The following ZNF107 variants were observed in gnomAD, a reference collection of about 807,000 sequenced individuals.
ZNF107 encodes the protein C2H2 type zinc-finger protein.
Under a neutral mutation model 12.3 loss-of-function variants are expected in ZNF107, and 19 were observed. The ratio of observed to expected loss-of-function variants is 1.55; its 90% confidence interval spans 1.08 to 2.27. The LOEUF (loss-of-function observed/expected upper bound fraction) is 2.27. Ranked by LOEUF, ZNF107 falls within the 30% of genes most tolerant of loss-of-function variation. The pLI, the probability that ZNF107 is intolerant of heterozygous loss-of-function variation, is 0.00. For missense variants in ZNF107, 958 were observed against 979.9 expected (o/e 0.98, Z 0.30); for synonymous variants, 317 against 330.5 (o/e 0.96, Z 0.44).
At chr7:64,697,347 T>A (rs1790327062) in intron 3 of ZNF107, among the ~76,000 whole-genome samples, 1 of 152,196 alleles carries the variant, frequency 6.6e-6, no homozygotes, top group African/African-American at 2.4e-5. Flanking sequence ...ATGGGATGGC[T>A]GGGTCAAATG....
rs1374511581 is a variant in ZNF107 at position 64,706,773 on chromosome 7, G to A, written c.676G>A (p.Glu226Lys). ...LTKHKRIHTG[E>K]KPYKCEECGK... ...TAAACATAAGAGAATTCATACTGGA[G>A]AAAAGCCCTACAAATGTGAAGAATG... Residue 226 changes from glutamate to lysine, a missense_variant, in exon 4 of 4, where the codon GAA becomes AAA. By Grantham distance (56) the Glu-to-Lys change is moderately conservative. Coordinates refer to ENST00000620827, the MANE Select transcript of ZNF107 (RefSeq NM_001282359.2). 1 of 1,613,368 alleles carries A rather than the reference G, an allele frequency of 6.2e-7. No homozygotes were observed. The highest frequency in any genetic ancestry group is 2.2e-5 in the East Asian group (1 of 44,866).
chr7:64,683,204 C>T (rs1584472751), intron 1 of ZNF107, among the ~76,000 whole-genome samples: 1 of 152,164 alleles, frequency 6.6e-6, no homozygotes, highest in East Asian at 1.9e-4. Flanking sequence ...GTATGCTTTC[C>T]ACATCCTTCA....
At chr7:64,693,421 T>C (rs539863998) in intron 3 of ZNF107, among the ~76,000 whole-genome samples, 1 of 151,996 alleles carries the variant, frequency 6.6e-6, no homozygotes, top group African/African-American at 2.4e-5. Flanking sequence ...GTCTGTGAAT[T>C]TGAAAGAGCA....
At chr7:64,696,677 T>C (rs996424537) in intron 3 of ZNF107, among the ~76,000 whole-genome samples, 1 of 152,192 alleles carries the variant, frequency 6.6e-6, no homozygotes, top group African/African-American at 2.4e-5. Flanking sequence ...CCTTCCACTT[T>C]TGGTTTTTAT....
chr7:64,708,571 C>T lies in ZNF107; in HGVS notation c.2474C>T (p.Ala825Val). 1 of 1,612,360 alleles carries T rather than the reference C, an allele frequency of 6.2e-7. No individual in the cohort carries two copies. The highest frequency in any genetic ancestry group is 8.5e-7 in the Non-Finnish European group (1 of 1,179,162). Residue 825 changes from alanine (A) to valine (V), a missense_variant, in exon 4 of 4, where the codon GCT (alanine) becomes GTT (valine). Transcript: ENST00000620827. ...KPYKCGDYGR[A>V]FNLSSNLTTH... is the part of the protein sequence containing the mutation. ...TACAAATGTGGAGATTATGGCAGAGCTTTCAACCTATCCTCAAATCTTACT... is the reference window on the plus strand; with the variant it reads ...TACAAATGTGGAGATTATGGCAGAGTTTTCAACCTATCCTCAAATCTTACT...
In ZNF107 at chr7:64,706,942, A is replaced by G. The variant is rs143783501; in HGVS notation, c.845A>G (p.Glu282Gly). 4.0e-5 allele frequency: 65 copies of G among 1,612,922 alleles called. No individual in the cohort carries two copies. In the African/African-American group the frequency reaches 8.4e-4, roughly 21 times the overall value. The change falls in exon 4 of 4, where the codon GAA becomes GGA. Residue 282 changes from glutamate (E) to glycine (G), a missense_variant. Transcript: ENST00000620827. ...ATACATAAAATAATTCATACTGGAG[A>G]AAAACCTTACAAATATGAAGAATGT... Reference protein sequence around the residue: ...LTIHKIIHTGEKPYKYEECGK... With the variant: ...LTIHKIIHTGGKPYKYEECGK...
intron 1 of ZNF107, chr7:64,684,800 T>A (rs1254063613): frequency 1.1e-6 from 1 of 886,648 alleles, no homozygotes; most frequent in African/African-American, 1.8e-5. Flanking sequence ...CTACTCACTC[T>A]TTATCTATCC....
chr7:64,702,697 A>G (rs543484755), intron 3 of ZNF107, among the ~76,000 whole-genome samples: 11 of 152,018 alleles, frequency 7.2e-5, no homozygotes, highest in Non-Finnish European at 1.6e-4. Context: ...AGCTGGGATT[A>G]CAGACATGTG....
In ZNF107 at chr7:64,669,048, C is replaced by T. The variant is rs377672592; in HGVS notation, c.3+2763C>T. 14 of 111,720 alleles carry T rather than the reference C, an allele frequency of 1.3e-4. No homozygotes were observed. In the East Asian group the frequency reaches 3.2e-3, roughly 26 times the overall value. The allele number at this position is 111,720 out of a possible 1,614,324, so 6.9% of individuals were successfully genotyped here. A position where few individuals can be genotyped will look rare whatever the true frequency, so the allele number is the denominator to read the frequency against. On this transcript the variant is annotated intron_variant, in intron 1 of 3. Coordinates refer to ENST00000620827, the MANE Select transcript of ZNF107 (RefSeq NM_001282359.2). Reference sequence around the variant, plus strand: ...TTTTTTTTTTTGAGATGGAGTCTCGCTCTGTTGCTCAGGCTGAAGGGCAGT... The same window carrying T: ...TTTTTTTTTTTGAGATGGAGTCTCGTTCTGTTGCTCAGGCTGAAGGGCAGT...
intron 1 of ZNF107, among the ~76,000 whole-genome samples, chr7:64,680,995 C>T (rs969282695): frequency 1.3e-5 from 2 of 152,164 alleles, no homozygotes; most frequent in Non-Finnish European, 2.9e-5. Flanking sequence ...GGAATGCCTG[C>T]AGCCTGGGGT....
chr7:64,696,052 GATTCCCTCTCTACA>G (rs1790275292), intron 3 of ZNF107, among the ~76,000 whole-genome samples: 1 of 151,804 alleles, frequency 6.6e-6, no homozygotes, highest in African/African-American at 2.4e-5. Context: ...AACATATGGA[GATTCCCTCTCTACA>G]ATTTTTTTTT....
At chr7:64,667,423 T>C (rs1789044677) in intron 1 of ZNF107, among the ~76,000 whole-genome samples, 1 of 151,978 alleles carries the variant, frequency 6.6e-6, no homozygotes, top group Admixed American at 6.6e-5. Context: ...GACACTGTAT[T>C]GTAAAAAAAA....
intron 1 of ZNF107, among the ~76,000 whole-genome samples, chr7:64,674,491 G>C (rs1789348294): frequency 6.6e-6 from 1 of 152,138 alleles, no homozygotes; most frequent in Non-Finnish European, 1.5e-5. Flanking sequence ...TTATTTTTCA[G>C]TTTAAAGAGC....
intron 1 of ZNF107, among the ~76,000 whole-genome samples, chr7:64,679,688 C>G (rs1789575550): frequency 6.6e-6 from 1 of 152,200 alleles, no homozygotes; most frequent in Non-Finnish European, 1.5e-5. Context: ...CCGTCTTTCA[C>G]CTGATTTGGA....
chr7:64,677,043 T>C (rs1468004193), intron 1 of ZNF107, among the ~76,000 whole-genome samples: 2 of 152,168 alleles, frequency 1.3e-5, no homozygotes, highest in Non-Finnish European at 2.9e-5. Context: ...CTTTTAAATA[T>C]GAAGTCCTCA....
intron 1 of ZNF107, chr7:64,687,658 A>G (rs1789969427): frequency 1.4e-6 from 1 of 727,476 alleles, no homozygotes; most frequent in Non-Finnish European, 1.7e-6. Flanking sequence ...GACCTCCCAA[A>G]TTACCAGGTG....
chr7:64,687,319 G>A (rs1789956401), intron 1 of ZNF107: 2 of 985,454 alleles, frequency 2.0e-6, no homozygotes, highest in Non-Finnish European at 2.4e-6. Context: ...AAAAAACTGA[G>A]GCTTAAACAC....
chr7:64,696,893 G>A (rs1334550565), intron 3 of ZNF107, among the ~76,000 whole-genome samples: 2 of 151,880 alleles, frequency 1.3e-5, no homozygotes, highest in Non-Finnish European at 2.9e-5. Flanking sequence ...ATGTGTACAT[G>A]TGCCATGTTG....
intron 3 of ZNF107, among the ~76,000 whole-genome samples, chr7:64,699,243 A>G (rs2128965795): frequency 6.6e-6 from 1 of 152,272 alleles, no homozygotes; most frequent in South Asian, 2.1e-4. Flanking sequence ...ACTGTATGTT[A>G]TATTGACATC....
Sources: allele counts gnomAD v4.1 joint callset (sites outside exome capture counted in the v4.1 genomes callset), GRCh38; gene constraint gnomAD v4.1.1; transcripts MANE v1.5; gene names NCBI Gene and HGNC (gene_info 2026-07-23, HGNC 2026-07-21).